The following NEK4 variants were observed in gnomAD, a reference collection of about 807,000 sequenced individuals.
The protein encoded by NEK4 is serine/threonine-protein kinase Nek4.
NEK4 carries 86 observed loss-of-function variants against 98.4 expected under a neutral mutation model. The ratio of observed to expected loss-of-function variants is 0.87; its 90% CI spans 0.73 to 1.05. The LOEUF is 1.05. Among genes scored for constraint, NEK4 ranks in the 50% least tolerant of loss-of-function variants. The probability of loss-of-function intolerance (pLI) is 0.00; values close to 1 mark genes in which losing one functional copy is unlikely to be tolerated. For synonymous variants in NEK4, 328 were observed against 342.2 expected (o/e 0.96, Z 0.46); for missense variants, 898 against 950.3 (o/e 0.94, Z 0.72).
At chr3:52,715,185 A>G (rs2097354028) in intron 15 of NEK4, among the ~76,000 whole-genome samples, 1 of 152,218 alleles carries the variant, frequency 6.6e-6, no homozygotes, top group Non-Finnish European at 1.5e-5. Flanking sequence ...ACCCATGGAC[A>G]AATCAGCAGG....
At chr3:52,733,295 C>A in intron 15 of NEK4, 1 of 338,490 alleles carries the variant, frequency 3.0e-6, no homozygotes, top group South Asian at 3.2e-5. Flanking sequence ...TAGTGACTGT[C>A]ACAAGGTGTT....
At chr3:52,721,740 A>AAC (rs2097360309) in intron 15 of NEK4, among the ~76,000 whole-genome samples, 1 of 151,880 alleles carries the variant, frequency 6.6e-6, no homozygotes, top group African/African-American at 2.4e-5. Context: ...TGTCTCAAAA[A>AAC]AAAAAAAAAA....
intron 15 of NEK4, among the ~76,000 whole-genome samples, chr3:52,714,519 G>A (rs1162739905): frequency 6.6e-6 from 1 of 152,150 alleles, no homozygotes; most frequent in African/African-American, 2.4e-5. Context: ...CCCCAGGCCC[G>A]GACCCTCCAC....
chr3:52,751,796 T>C, intron 7 of NEK4, 136 bp downstream of exon 7: 1 of 876,308 alleles, frequency 1.1e-6, no homozygotes, highest in Non-Finnish European at 1.7e-6. Flanking sequence ...TTTGGTTTGA[T>C]GCAAATATTC....
intron 13 of NEK4, 84 bp from the exon 14 acceptor site, chr3:52,739,718 G>T: frequency 2.6e-5 from 30 of 1,170,182 alleles, no homozygotes; most frequent in Non-Finnish European, 3.8e-5. Flanking sequence ...ACGACCTTTC[G>T]GGAATTATCC....
intron 15 of NEK4, among the ~76,000 whole-genome samples, chr3:52,730,436 G>A (rs1026132271): frequency 6.6e-6 from 1 of 152,326 alleles, no homozygotes; most frequent in East Asian, 1.9e-4. Flanking sequence ...TTCATTTTAT[G>A]AGGCTGACGA....
Position 52,752,933 on chromosome 3 carries a change from T to TACACACACACACACACAC in NEK4, c.964-615_964-598dup, listed in dbSNP as rs71087017. Among the ~76,000 whole-genome samples the TACACACACACACACACAC allele has an allele frequency of 3.7e-3, 283 of 75,508 alleles. 3 individuals are homozygous for TACACACACACACACACAC. Among genetic ancestry groups the TACACACACACACACACAC allele is most frequent in the Non-Finnish European group, 6.1e-3 (239 of 38,874 alleles). 49.5% of individuals were successfully genotyped at this position (75,508 alleles called of 152,430 possible). A position where few individuals can be genotyped will look rare whatever the true frequency, so the allele number is the denominator to read the frequency against. On this transcript the variant is annotated intron_variant, in intron 6 of 15. Coordinates refer to ENST00000233027, the MANE Select transcript of NEK4 (RefSeq NM_003157.6). The stretch of plus-strand genomic sequence containing the variant: ...AAAAAAAAAAATATATATATATATA[T>TACACACACACACACACAC]ACACACACACACACACACACAATGG...
intron 5 of NEK4, among the ~76,000 whole-genome samples, chr3:52,761,475 G>A (rs1219779355): frequency 2.6e-5 from 4 of 152,004 alleles, no homozygotes; most frequent in East Asian, 1.9e-4. Context: ...TAGTAGAGAC[G>A]GGGTTTTGCC....
At chr3:52,750,096 G>C (rs1345567932) in intron 7 of NEK4, among the ~76,000 whole-genome samples, 2 of 152,092 alleles carry the variant, frequency 1.3e-5, no homozygotes, top group African/African-American at 2.4e-5. Flanking sequence ...TCTACCCCTA[G>C]GTACATACTC....
chr3:52,729,553 C>T (rs375376869), intron 15 of NEK4, among the ~76,000 whole-genome samples: 1 of 151,480 alleles, frequency 6.6e-6, no homozygotes, highest in Admixed American at 6.6e-5. Flanking sequence ...TACTAAAATA[C>T]AAAAATTAGC....
chr3:52,746,979 A>G, intron 8 of NEK4, 75 bp from the exon 9 acceptor site: 14 of 1,189,116 alleles, frequency 1.2e-5, no homozygotes, highest in Non-Finnish European at 1.6e-5. Flanking sequence ...AGTTGTCCAT[A>G]AAAAGTGGCT....
chr3:52,755,345 A>G (rs1182273042), intron 6 of NEK4, among the ~76,000 whole-genome samples: 3 of 152,134 alleles, frequency 2.0e-5, no homozygotes, highest in Admixed American at 6.6e-5. Context: ...TGATGGCTGC[A>G]TGATACTGTG....
chr3:52,770,247 A>T (rs1020302432), intron 1 of NEK4, among the ~76,000 whole-genome samples: 2 of 151,996 alleles, frequency 1.3e-5, no homozygotes, highest in African/African-American at 4.8e-5. Context: ...GGGGCCCTTC[A>T]TTCAAGGAAT....
In NEK4 at chr3:52,709,408, T is replaced by C. The variant is rs777730627; in HGVS notation, c.*2369A>G. On this transcript the variant is annotated 3_prime_UTR_variant, in exon 16 of 16. Transcript: ENST00000233027. ...TAAAAATATACAGTATGGTAATTAA[T>C]AAGAAAGTATGGGGGAAGTCAGGTG... The C allele has an allele frequency of 6.6e-6, 1 of 152,054 alleles. No individual in the cohort carries two copies. Among genetic ancestry groups the C allele is most frequent in the Non-Finnish European group, 1.5e-5 (1 of 67,952 alleles). The allele number at this position is 152,054 out of a possible 1,614,324, so 9.4% of individuals were successfully genotyped here. A position where few individuals can be genotyped will look rare whatever the true frequency, so the allele number is the denominator to read the frequency against.
chr3:52,736,465 A>G (rs1417812836), intron 15 of NEK4, among the ~76,000 whole-genome samples: 1 of 152,106 alleles, frequency 6.6e-6, no homozygotes, highest in African/African-American at 2.4e-5. Context: ...GGGCACCTGT[A>G]GTCCCAGCTA....
intron 15 of NEK4, among the ~76,000 whole-genome samples, chr3:52,732,360 A>G (rs368159588): frequency 2.6e-5 from 4 of 152,046 alleles, no homozygotes; most frequent in African/African-American, 9.6e-5. Flanking sequence ...CGCCCGGCTA[A>G]TTTTTTTGTA....
Position 52,751,993 on chromosome 3 carries a change from T to A in NEK4, c.1307A>T (p.Glu436Val), listed in dbSNP as rs2097405975. Residue 436 changes from glutamate (E) to valine (V), a missense_variant, in exon 7 of 16, where the codon GAA becomes GTA. Coordinates refer to ENST00000233027, the MANE Select transcript of NEK4 (RefSeq NM_003157.6). ...PMWSSDIVTG[E>V]KNEPVKPLQP... ...CAGAGGCTTCACTGGTTCATTCTTT[T>A]CCCCAGTGACAATGTCAGAGGACCA... is the stretch of plus-strand genomic sequence containing the variant. The A allele has an allele frequency of 5.0e-6, 8 of 1,614,018 alleles. No individual in the cohort carries two copies. Among genetic ancestry groups the A allele is most frequent in the Non-Finnish European group, 6.8e-6 (8 of 1,180,010 alleles).
At chr3:52,744,182 T>C in intron 11 of NEK4, 57 bp downstream of exon 11, 1 of 1,244,234 alleles carries the variant, frequency 8.0e-7, no homozygotes, top group East Asian at 2.3e-5. Flanking sequence ...CCAGTGTTTC[T>C]GTCCACGAAC....
At chr3:52,722,175 G>A (rs2097360710) in intron 15 of NEK4, among the ~76,000 whole-genome samples, 1 of 152,154 alleles carries the variant, frequency 6.6e-6, no homozygotes, top group South Asian at 2.1e-4. Context: ...CCACCTTAAG[G>A]TAGGGGGACC....
Sources: gnomAD v4.1 joint callset for allele counts (sites outside exome capture counted in the v4.1 genomes callset) on GRCh38, gnomAD v4.1.1 for gene constraint, MANE v1.5 for transcripts, NCBI Gene and HGNC (gene_info 2026-07-23, HGNC 2026-07-21) for gene names.